The following NEK6 variants were observed in gnomAD, a reference collection of about 807,000 sequenced individuals.
The protein encoded by NEK6 is serine/threonine-protein kinase Nek6.
Under a neutral mutation model 43.5 loss-of-function variants are expected in NEK6, and 27 were observed. The ratio of observed to expected loss-of-function variants is 0.62; its 90% CI spans 0.46 to 0.86. The LOEUF (loss-of-function observed/expected upper bound fraction) is 0.86, where lower values mean the gene tolerates loss of function less well. Ranked by LOEUF, NEK6 falls within the 40% of genes least tolerant of loss-of-function variation. NEK6 has a pLI of 0.00. For synonymous variants in NEK6, 167 were observed against 164.1 expected, an observed-to-expected ratio of 1.02 and a Z score of -0.14; for missense variants, 318 against 414.4, an observed-to-expected ratio of 0.77 and a Z score of 2.02.
chr9:124,283,736 C>T lies in NEK6; in HGVS notation c.-29-18200C>T, dbSNP rs1832028380. ...CTTGCCTCACCTTTAGGCCTTTGCA[C>T]GTGCCATGCCCTCTGCCTGGAGTGC... On this transcript the variant is annotated intron_variant, in intron 1 of 9. Coordinates refer to ENST00000320246, the MANE Select transcript of NEK6 (RefSeq NM_014397.6). 2.0e-5 allele frequency among the ~76,000 whole-genome samples: 3 copies of T among 152,370 alleles called. No individual in the cohort carries two copies. The South Asian group carries it at 6.2e-4, about 32-fold the overall frequency.
Position 124,313,899 on chromosome 9 carries a change from T to C in NEK6, c.232-24T>C, listed in dbSNP as rs753673714. 1.2e-5 allele frequency: 19 copies of C among 1,613,660 alleles called. No homozygotes were observed. The Admixed American group carries it at 2.8e-4, about 24-fold the overall frequency. On this transcript the variant is annotated intron_variant, in intron 3 of 9. Coordinates refer to ENST00000320246, the MANE Select transcript of NEK6 (RefSeq NM_014397.6). ...CTGGACACAGATTGTAACCACTCTA[T>C]TTCTCTTTTTCCTCCCGCCCAAGAT... is the stretch of plus-strand genomic sequence containing the variant.
intron 1 of NEK6, 52 bp downstream of exon 1, chr9:124,258,137 A>C (rs1830880825): frequency 1.0e-6 from 1 of 975,360 alleles, no homozygotes; most frequent in Non-Finnish European, 1.2e-6. Context: ...GGCCCGGAGA[A>C]GGGCGGGGGC....
At chr9:124,258,281 G>GGCGTGTCC in intron 1 of NEK6, 196 bp downstream of exon 1, 2 of 985,020 alleles carry the variant, frequency 2.0e-6, no homozygotes, top group Non-Finnish European at 2.4e-6. Flanking sequence ...GGGCGGGGGC[G>GGCGTGTCC]GCGTGTCCGC....
At chr9:124,336,407 G>T (rs1292781388) in intron 7 of NEK6, among the ~76,000 whole-genome samples, 1 of 152,170 alleles carries the variant, frequency 6.6e-6, no homozygotes, top group Admixed American at 6.5e-5. Flanking sequence ...AATGGTAGTT[G>T]GGGGCTTTGT....
At chr9:124,277,043 G>GGCCT (rs1831677139) in intron 1 of NEK6, among the ~76,000 whole-genome samples, 1 of 152,198 alleles carries the variant, frequency 6.6e-6, no homozygotes, top group Non-Finnish European at 1.5e-5. Flanking sequence ...AAATGACGGT[G>GGCCT]CTAAGGCTGG....
chr9:124,306,562 A>G (rs189980327), intron 2 of NEK6, among the ~76,000 whole-genome samples: 15 of 152,226 alleles, frequency 9.9e-5, no homozygotes, highest in Non-Finnish European at 1.6e-4. Flanking sequence ...TGCTTACTCA[A>G]TGCTCTATTT....
chr9:124,260,723 T>A (rs1425874117), intron 1 of NEK6, among the ~76,000 whole-genome samples: 1 of 152,202 alleles, frequency 6.6e-6, no homozygotes. Context: ...ACTGAGGATA[T>A]ACTGTGTGCT....
intron 1 of NEK6, chr9:124,265,474 A>G (rs1831194168): frequency 6.6e-6 from 1 of 152,154 alleles, no homozygotes; most frequent in African/African-American, 2.4e-5. Flanking sequence ...GTGAGCCGAG[A>G]TGGCGCCACT....
At chr9:124,313,403 T>A (rs1833643222) in intron 3 of NEK6, among the ~76,000 whole-genome samples, 1 of 151,824 alleles carries the variant, frequency 6.6e-6, no homozygotes, top group Non-Finnish European at 1.5e-5. Flanking sequence ...AGAGTCTCAG[T>A]CTATCACCCA....
At chr9:124,271,365 C>T (rs1412643409) in intron 1 of NEK6, among the ~76,000 whole-genome samples, 1 of 152,232 alleles carries the variant, frequency 6.6e-6, no homozygotes, top group Non-Finnish European at 1.5e-5. Flanking sequence ...CACGCTGTTC[C>T]CAGCCCCAAA....
intron 7 of NEK6, among the ~76,000 whole-genome samples, chr9:124,337,258 G>A (rs1039823414): frequency 6.6e-6 from 1 of 152,222 alleles, no homozygotes; most frequent in African/African-American, 2.4e-5. Flanking sequence ...TGGGAGGTCA[G>A]GGCACAGCCC....
intron 8 of NEK6, among the ~76,000 whole-genome samples, chr9:124,345,293 C>T (rs180907484): frequency 1.3e-5 from 2 of 152,306 alleles, no homozygotes; most frequent in East Asian, 1.9e-4. Flanking sequence ...CGTTGTAATC[C>T]GCGCAGCCCA....
chr9:124,273,341 G>T lies in NEK6; in HGVS notation c.-30+15256G>T, dbSNP rs970177454. 6.6e-5 allele frequency among the ~76,000 whole-genome samples: 10 copies of T among 152,254 alleles called. No individual in the cohort carries two copies. In the South Asian group the frequency reaches 1.0e-3, roughly 16 times the overall value. On this transcript the variant is annotated intron_variant, in intron 1 of 9. Transcript: ENST00000320246. ...AACTGAGGCCTAAAGAACAATTCAG[G>T]GCTTGATCCCGAATGGGGGAGGGGA...
At chr9:124,259,646 T>C (rs529474562) in intron 1 of NEK6, among the ~76,000 whole-genome samples, 1 of 152,110 alleles carries the variant, frequency 6.6e-6, no homozygotes, top group East Asian at 1.9e-4. Flanking sequence ...AAATAAAATA[T>C]GCCTGTGGGG....
At chr9:124,320,456 G>A (rs1218275297) in intron 4 of NEK6, among the ~76,000 whole-genome samples, 1 of 152,202 alleles carries the variant, frequency 6.6e-6, no homozygotes, top group Non-Finnish European at 1.5e-5. Context: ...TTCTCCCAAC[G>A]ACTTCCGGGC....
chr9:124,323,081 G>A (rs968775350), intron 5 of NEK6, among the ~76,000 whole-genome samples: 4 of 152,192 alleles, frequency 2.6e-5, no homozygotes, highest in African/African-American at 9.7e-5. Context: ...TCCACTGTGT[G>A]CCAGCCCTCA....
At chr9:124,289,187 C>A (rs955655952) in intron 1 of NEK6, among the ~76,000 whole-genome samples, 5 of 46,026 alleles carry the variant, frequency 1.1e-4, no homozygotes, top group African/African-American at 5.0e-4. Flanking sequence ...CCCCCCCCCG[C>A]CACACACACA....
intron 9 of NEK6, among the ~76,000 whole-genome samples, chr9:124,349,064 C>A (rs775335258): frequency 4.6e-5 from 7 of 152,220 alleles, no homozygotes; most frequent in Admixed American, 6.5e-5. Flanking sequence ...GCGCTTGTGT[C>A]CAGGCCGGAG....
In NEK6 at chr9:124,321,556, C is replaced by T. The variant is rs1834065605; in HGVS notation, c.392C>T (p.Ser131Leu). The T allele has an allele frequency of 1.9e-6, 3 of 1,611,104 alleles. No homozygotes were observed. Among genetic ancestry groups the T allele is most frequent in the African/African-American group, 1.3e-5 (1 of 75,000 alleles). Residue 131 changes from serine to leucine, a missense_variant, in exon 5 of 10, where the codon TCG (serine) becomes TTG (leucine). Ser to Leu is a moderately radical substitution (Grantham distance 145, BLOSUM62 -2). This residue lies in a region of NEK6 where 239 missense variants were observed against 344.4 expected (regional missense o/e 0.69). Transcript: ENST00000320246. ...GAGTTGGCTGACGCAGGGGACCTCT[C>T]GCAGATGATCAAGGTGAGCGCCTGG... ...VLELADAGDL[S>L]QMIKYFKKQK... is the part of the protein sequence containing the mutation.
Sources: gnomAD v4.1 joint callset for allele counts (sites outside exome capture counted in the v4.1 genomes callset) on GRCh38, gnomAD v4.1.1 for gene constraint, gnomAD v4.1.1 regional missense constraint, MANE v1.5 for transcripts, NCBI Gene and HGNC (gene_info 2026-07-23, HGNC 2026-07-21) for gene names.